MECOM: variants seen among roughly 807,000 people sequenced by gnomAD.
MECOM encodes histone-lysine N-methyltransferase MECOM.
MECOM carries 13 observed loss-of-function variants against 116.3 expected under a neutral mutation model. The observed-to-expected ratio is 0.11, with a 90% CI of 0.07 to 0.18. The LOEUF (loss-of-function observed/expected upper bound fraction) is 0.18, where lower values mean the gene tolerates loss of function less well. Among genes scored for constraint, MECOM ranks in the 10% least tolerant of loss-of-function variants. The pLI, the probability that MECOM is intolerant of heterozygous loss-of-function variation, is 1.00. For synonymous variants in MECOM, 528 were observed against 535.2 expected (o/e 0.99, Z 0.19); for missense variants, 1,299 against 1,509.0 (o/e 0.86, Z 2.31).
intron 2 of MECOM, among the ~76,000 whole-genome samples, chr3:169,182,324 C>G (rs1027573654): frequency 2.6e-5 from 4 of 152,204 alleles, no homozygotes; most frequent in African/African-American, 9.6e-5. Context: ...TACAAACAAG[C>G]AGACTCTCAG....
rs116768891 is a variant in MECOM, at chr3:169,560,862, A to G, written c.37+102474T>C. 5.8e-3 allele frequency among the ~76,000 whole-genome samples: 883 copies of G among 152,126 alleles called. 14 individuals carry two copies. Among genetic ancestry groups the G allele is most frequent in the African/African-American group, 0.021 (858 of 41,548 alleles). On this transcript the variant is annotated intron_variant, in intron 1 of 16. Coordinates refer to ENST00000651503, the MANE Select transcript of MECOM (RefSeq NM_004991.4). ...GTTAAAGATAGTAGAATTTTGGGTG[A>G]CTTTTTTTTCTATATTTTCTAATTT... is the stretch of plus-strand genomic sequence containing the variant.
At chr3:169,141,956 A>G (rs151079793) in intron 3 of MECOM, among the ~76,000 whole-genome samples, 21 of 152,128 alleles carry the variant, frequency 1.4e-4, no homozygotes, top group African/African-American at 4.6e-4. Context: ...TAGTCAAAAT[A>G]AGTAAACACG....
chr3:169,597,527 T>C (rs1031577764), intron 1 of MECOM, among the ~76,000 whole-genome samples: 3 of 152,196 alleles, frequency 2.0e-5, no homozygotes, highest in African/African-American at 7.2e-5. Context: ...ATTCAGCCAA[T>C]ATCAGAATGG....
chr3:169,162,314 C>T (rs966650977), intron 2 of MECOM, among the ~76,000 whole-genome samples: 2 of 152,138 alleles, frequency 1.3e-5, no homozygotes, highest in African/African-American at 4.8e-5. Context: ...AATATTAAAC[C>T]ATTGTCCCTG....
chr3:169,112,279 T>C (rs1259099248), intron 9 of MECOM, among the ~76,000 whole-genome samples: 3 of 152,204 alleles, frequency 2.0e-5, no homozygotes, highest in Non-Finnish European at 4.4e-5. Flanking sequence ...CTGTGCATTG[T>C]GGTGAATTCT....
intron 2 of MECOM, among the ~76,000 whole-genome samples, chr3:169,284,952 G>A (rs1315650394): frequency 5.9e-5 from 9 of 152,164 alleles, no homozygotes; most frequent in Non-Finnish European, 1.3e-4. Context: ...TGGGAGAGGG[G>A]AGGTTGCCCT....
At chr3:169,304,000 G>T (rs1010764315) in intron 2 of MECOM, among the ~76,000 whole-genome samples, 1 of 152,194 alleles carries the variant, frequency 6.6e-6, no homozygotes, top group Non-Finnish European at 1.5e-5. Context: ...TGAATTTTAA[G>T]TCCAAGTGAC....
intron 2 of MECOM, among the ~76,000 whole-genome samples, chr3:169,363,974 A>T (rs957049087): frequency 1.3e-5 from 2 of 151,968 alleles, no homozygotes; most frequent in African/African-American, 4.8e-5. Flanking sequence ...ATACACACAG[A>T]TGCTCATCAG....
intron 2 of MECOM, among the ~76,000 whole-genome samples, chr3:169,323,095 A>G (rs530497777): frequency 1.2e-3 from 178 of 151,862 alleles, no homozygotes; most frequent in African/African-American, 4.1e-3. Flanking sequence ...TCCAGGGAAA[A>G]CATGTAATAT....
chr3:169,158,613 C>T (rs1742354678), intron 2 of MECOM, among the ~76,000 whole-genome samples: 1 of 152,126 alleles, frequency 6.6e-6, no homozygotes, highest in Non-Finnish European at 1.5e-5. Flanking sequence ...TGCAAATATA[C>T]CACTTCCTCT....
intron 2 of MECOM, among the ~76,000 whole-genome samples, chr3:169,213,076 TTA>T (rs543661381): frequency 0.014 from 2,133 of 149,238 alleles, 31 homozygotes; most frequent in Non-Finnish European, 0.021. Flanking sequence ...TCTTTCTTTT[TTA>T]TTTTTTTTAA....
At chr3:169,097,069 T>C (rs1470981329) in intron 12 of MECOM, among the ~76,000 whole-genome samples, 1 of 152,100 alleles carries the variant, frequency 6.6e-6, no homozygotes, top group Non-Finnish European at 1.5e-5. Context: ...TTTAGCACAA[T>C]TTATTCTGTG....
intron 2 of MECOM, among the ~76,000 whole-genome samples, 197 bp from the exon 3 acceptor site, chr3:169,144,029 T>C (rs556763852): frequency 2.0e-5 from 3 of 152,154 alleles, no homozygotes; most frequent in Non-Finnish European, 1.5e-5. Flanking sequence ...TAAAAAGGAA[T>C]AAAGCACTTG....
At chr3:169,305,545 A>G (rs535430536) in intron 2 of MECOM, among the ~76,000 whole-genome samples, 42 of 152,364 alleles carry the variant, frequency 2.8e-4, no homozygotes, top group Non-Finnish European at 1.0e-4. Flanking sequence ...GCCAGTAACC[A>G]GGGCTTCCAA....
At chr3:169,090,490 G>T (rs1719354114) in intron 14 of MECOM, among the ~76,000 whole-genome samples, 1 of 151,874 alleles carries the variant, frequency 6.6e-6, no homozygotes, top group Non-Finnish European at 1.5e-5. Flanking sequence ...AACAATCTTG[G>T]TCTCCCATTT....
At chr3:169,362,297 A>C (rs988261599) in intron 2 of MECOM, among the ~76,000 whole-genome samples, 1 of 151,960 alleles carries the variant, frequency 6.6e-6, no homozygotes, top group African/African-American at 2.4e-5. Context: ...AAAAGAACTA[A>C]AGAGCAGGTG....
At chr3:169,202,321 G>A (rs1477505397) in intron 2 of MECOM, among the ~76,000 whole-genome samples, 2 of 152,094 alleles carry the variant, frequency 1.3e-5, no homozygotes. Flanking sequence ...TGTTATTAAT[G>A]TAATTATAAC....
At position 169,378,452 on chromosome 3, in the gene MECOM, GGAA is replaced by G. The variant is rs1560196749; in HGVS notation, c.375+2732_375+2734del. Among the ~76,000 whole-genome samples the G allele has an allele frequency of 3.5e-3, 227 of 64,502 alleles. 14 individuals are homozygous for G. The highest frequency in any genetic ancestry group is 6.3e-3 in the African/African-American group (91 of 14,376). The allele number at this position is 64,502 out of a possible 152,430, so 42.3% of individuals were successfully genotyped here. On this transcript the variant is annotated intron_variant, in intron 2 of 16. Coordinates refer to ENST00000651503, the MANE Select transcript of MECOM (RefSeq NM_004991.4). ...AAGAAAGAAAGAAAGAAAGAAAGAA[GGAA>G]AGCAAGCAAGCAAGCAAGCAAGAAA...
At chr3:169,496,302 T>C (rs73174329) in intron 1 of MECOM, among the ~76,000 whole-genome samples, 26,747 of 152,132 alleles carry the variant, frequency 0.18, 2,525 homozygotes, top group East Asian at 0.32. Context: ...AAACATATTC[T>C]CATGTTAGAA....
Sources: gnomAD v4.1 joint callset for allele counts (sites outside exome capture counted in the v4.1 genomes callset) on GRCh38, gnomAD v4.1.1 for gene constraint, MANE v1.5 for transcripts, NCBI Gene and HGNC (gene_info 2026-07-23, HGNC 2026-07-21) for gene names.